Variants in GRID2 observed in about 807,000 individuals in gnomAD.
GRID2 encodes the protein glutamate ionotropic receptor delta type subunit 2.
Under a neutral mutation model 114.8 loss-of-function variants are expected in GRID2, and 33 were observed. The observed-to-expected ratio is 0.29, with a 90% CI of 0.22 to 0.38. The LOEUF is 0.38. Among genes scored for constraint, GRID2 ranks in the 10% least tolerant of loss-of-function variants. GRID2 has a pLI of 1.00. For missense variants in GRID2, 1,184 were observed against 1,257.7 expected (o/e 0.94, Z 0.89); for synonymous variants, 505 against 449.9 (o/e 1.12, Z -1.55).
chr4:92,518,148 T>C (rs1256652689), intron 1 of GRID2, among the ~76,000 whole-genome samples: 1 of 151,766 alleles, frequency 6.6e-6, no homozygotes, highest in Non-Finnish European at 1.5e-5. Flanking sequence ...TCTCCTACTC[T>C]TCATCCCCCT....
intron 14 of GRID2, among the ~76,000 whole-genome samples, chr4:93,708,151 A>G (rs960641309): frequency 6.6e-6 from 1 of 152,012 alleles, no homozygotes; most frequent in Admixed American, 6.6e-5. Context: ...AGAAGAATGT[A>G]TATTCTTTAG....
chr4:93,262,652 A>G (rs1482961502), intron 8 of GRID2, among the ~76,000 whole-genome samples: 1 of 151,960 alleles, frequency 6.6e-6, no homozygotes, highest in Non-Finnish European at 1.5e-5. Flanking sequence ...ACTTTGAATA[A>G]AATTCCTGTT....
chr4:93,737,337 T>C (rs975322147), intron 14 of GRID2, among the ~76,000 whole-genome samples: 6 of 152,106 alleles, frequency 3.9e-5, no homozygotes, highest in Admixed American at 3.3e-4. Flanking sequence ...AAGTAGATTG[T>C]CATGATCCTA....
chr4:92,684,327 G>A (rs1242098010), intron 2 of GRID2, among the ~76,000 whole-genome samples: 1 of 151,822 alleles, frequency 6.6e-6, no homozygotes, highest in African/African-American at 2.4e-5. Flanking sequence ...TGATTTCTTG[G>A]ATTTTTTTTT....
At chr4:92,885,191 G>T in intron 2 of GRID2, 1 of 205,602 alleles carries the variant, frequency 4.9e-6, no homozygotes, top group Non-Finnish European at 9.9e-6. Flanking sequence ...TAGAACTAAT[G>T]GAGTACAACG....
intron 2 of GRID2, among the ~76,000 whole-genome samples, chr4:92,943,964 C>T (rs1039732266): frequency 6.6e-6 from 1 of 152,138 alleles, no homozygotes; most frequent in Admixed American, 6.5e-5. Context: ...CAGAGGGGTA[C>T]CAGGCCATGT....
At chr4:93,633,065 A>ACATG (rs890352621) in intron 14 of GRID2, among the ~76,000 whole-genome samples, 6 of 152,002 alleles carry the variant, frequency 3.9e-5, no homozygotes, top group African/African-American at 1.4e-4. Context: ...CTCTCTCTAC[A>ACATG]CATGCATGCA....
chr4:93,765,364 C>T (rs1400060099), intron 14 of GRID2, among the ~76,000 whole-genome samples: 2 of 152,170 alleles, frequency 1.3e-5, no homozygotes, highest in Non-Finnish European at 2.9e-5. Context: ...TTTCTCTGTA[C>T]ATCCCCAAAG....
At chr4:92,680,012 C>A (rs934233607) in intron 2 of GRID2, among the ~76,000 whole-genome samples, 2 of 151,662 alleles carry the variant, frequency 1.3e-5, no homozygotes, top group Non-Finnish European at 2.9e-5. Context: ...TGACTCAATT[C>A]AACTTTCCTG....
rs1001787775 is a variant in GRID2 at position 92,938,986 on chromosome 4, C to T, written c.245-146009C>T. On this transcript the variant is annotated intron_variant, in intron 2 of 15. Coordinates refer to ENST00000282020, the MANE Select transcript of GRID2 (RefSeq NM_001510.4). ...TCATTGTTGGACATTTGGGTGGGTT[C>T]CAAGTCTTTGCTATTGTGAATAGTG... Among the ~76,000 whole-genome samples the T allele has an allele frequency of 3.4e-5, 5 of 146,912 alleles. 1 individual carries two copies. The South Asian group carries it at 9.2e-4, about 27-fold the overall frequency.
intron 8 of GRID2, among the ~76,000 whole-genome samples, chr4:93,379,343 A>C (rs1018657921): frequency 6.6e-6 from 1 of 152,080 alleles, no homozygotes; most frequent in African/African-American, 2.4e-5. Context: ...AAAATATTTG[A>C]GGAGGGTTGC....
At position 93,023,132 on chromosome 4, in the gene GRID2, T is replaced by C. The variant is rs201057894; in HGVS notation, c.245-61863T>C. 8.2e-4 allele frequency among the ~76,000 whole-genome samples: 119 copies of C among 145,158 alleles called. 4 individuals carry two copies. The East Asian group carries it at 0.015, about 18-fold the overall frequency. On this transcript the variant is annotated intron_variant, in intron 2 of 15. Coordinates refer to ENST00000282020, the MANE Select transcript of GRID2 (RefSeq NM_001510.4). ...GTGTGTGTGTGTGTGTGTGTATGTATGTGTGTGTGTGTGTGTGTCTGTATT... is the reference window on the plus strand; with the variant it reads ...GTGTGTGTGTGTGTGTGTGTATGTACGTGTGTGTGTGTGTGTGTCTGTATT...
chr4:92,320,303 C>A (rs1027301471), intron 1 of GRID2, among the ~76,000 whole-genome samples: 15 of 152,238 alleles, frequency 9.9e-5, no homozygotes, highest in Admixed American at 9.8e-4. Context: ...AGCTTTTCCT[C>A]AAATTCAACG....
intron 11 of GRID2, among the ~76,000 whole-genome samples, chr4:93,462,353 A>G (rs1466469487): frequency 6.6e-6 from 1 of 152,166 alleles, no homozygotes; most frequent in Non-Finnish European, 1.5e-5. Context: ...ATTATTGAAA[A>G]GAATAAAGAA....
chr4:92,780,251 T>G (rs1268544476), intron 2 of GRID2, among the ~76,000 whole-genome samples: 5 of 152,136 alleles, frequency 3.3e-5, no homozygotes, highest in African/African-American at 1.2e-4. Context: ...CATTAATCAT[T>G]ATTTTTGTTG....
intron 13 of GRID2, among the ~76,000 whole-genome samples, chr4:93,522,673 C>T (rs886482129): frequency 5.9e-5 from 9 of 152,066 alleles, no homozygotes; most frequent in African/African-American, 2.2e-4. Context: ...AGGAACAATG[C>T]ATTGCGGGCC....
chr4:93,549,339 G>T (rs544108130), intron 13 of GRID2, among the ~76,000 whole-genome samples: 1 of 152,286 alleles, frequency 6.6e-6, no homozygotes, highest in African/African-American at 2.4e-5. Context: ...AGCTGGAAAG[G>T]CCTTCAGATA....
intron 1 of GRID2, among the ~76,000 whole-genome samples, chr4:92,419,216 C>T (rs1434971800): frequency 6.6e-6 from 1 of 152,100 alleles, no homozygotes; most frequent in Non-Finnish European, 1.5e-5. Flanking sequence ...ACACTTCAGT[C>T]TTCCATTTAT....
chr4:92,703,567 G>T (rs575820656), intron 2 of GRID2, among the ~76,000 whole-genome samples: 3 of 150,244 alleles, frequency 2.0e-5, no homozygotes, highest in East Asian at 3.9e-4. Flanking sequence ...GTGATCCTGT[G>T]TATATTTCCA....
Sources: gnomAD v4.1 joint callset for allele counts (sites outside exome capture counted in the v4.1 genomes callset) on GRCh38, gnomAD v4.1.1 for gene constraint, MANE v1.5 for transcripts, NCBI Gene and HGNC (gene_info 2026-07-23, HGNC 2026-07-21) for gene names.